Variants in SDR16C5 observed in about 807,000 individuals in gnomAD.
The protein encoded by SDR16C5 is epidermal retinol dehydrogenase 2.
Under a neutral mutation model 27.7 loss-of-function variants are expected in SDR16C5, and 20 were observed. That is an observed-to-expected ratio of 0.72 (90% CI 0.51 to 1.05). The LOEUF (loss-of-function observed/expected upper bound fraction) is 1.05, where lower values mean the gene tolerates loss of function less well. Among genes scored for constraint, SDR16C5 ranks in the 50% least tolerant of loss-of-function variants. The probability of loss-of-function intolerance (pLI) is 0.00; values close to 1 mark genes in which losing one functional copy is unlikely to be tolerated. For missense variants in SDR16C5, 374 were observed against 366.3 expected, an observed-to-expected ratio of 1.02 and a Z score of -0.17; for synonymous variants, 139 against 132.3, an observed-to-expected ratio of 1.05 and a Z score of -0.35.
At chr8:56,315,422 G>A (rs904347272) in intron 2 of SDR16C5, among the ~76,000 whole-genome samples, 4 of 152,124 alleles carry the variant, frequency 2.6e-5, no homozygotes, top group Non-Finnish European at 5.9e-5. Flanking sequence ...GATTCTGATT[G>A]TCTTATGACT....
intron 6 of SDR16C5, among the ~76,000 whole-genome samples, chr8:56,304,245 G>T (rs1814828698): frequency 6.6e-6 from 1 of 152,240 alleles, no homozygotes; most frequent in Non-Finnish European, 1.5e-5. Flanking sequence ...ACTAGGAATT[G>T]TCATTGGCAA....
chr8:56,308,079 T>TA (rs1467689248), intron 4 of SDR16C5, among the ~76,000 whole-genome samples: 1 of 152,102 alleles, frequency 6.6e-6, no homozygotes, highest in East Asian at 1.9e-4. Context: ...AGACTGGTGA[T>TA]ATTTGGGGTG....
chr8:56,303,881 C>T (rs772338063), intron 6 of SDR16C5: 44 of 687,576 alleles, frequency 6.4e-5, no homozygotes, highest in Non-Finnish European at 7.2e-5. Context: ...GTGCATTACA[C>T]GAATCTACAA....
rs763432759 is a variant in SDR16C5 at position 56,316,016 on chromosome 8, T to C, written c.332A>G (p.Gln111Arg). The C allele has an allele frequency of 3.5e-5, 56 of 1,602,178 alleles. No homozygotes were observed. The highest frequency in any genetic ancestry group is 4.7e-5 in the Non-Finnish European group (55 of 1,170,218). ...QKEGVYRVADQVKKEVGDVSI... is the reference protein window; with the variant it reads ...QKEGVYRVADRVKKEVGDVSI... ...TAATAGTAAACACACAAGAGTTACC[T>C]GGTCGGCTACTCTATACACTCCTTC... The change falls in exon 2 of 7, where the codon CAG becomes CGG. Residue 111 changes from glutamine to arginine, a missense_variant and splice_region_variant. Coordinates refer to ENST00000303749, the MANE Select transcript of SDR16C5 (RefSeq NM_138969.4).
At chr8:56,310,750 T>C (rs1267056496) in intron 3 of SDR16C5, among the ~76,000 whole-genome samples, 1 of 149,968 alleles carries the variant, frequency 6.7e-6, no homozygotes, top group Non-Finnish European at 1.5e-5. Flanking sequence ...CACAAAGCCA[T>C]GGGAGTGGAG....
chr8:56,305,844 A>G, intron 5 of SDR16C5, 122 bp from the exon 6 acceptor site: 2 of 978,364 alleles, frequency 2.0e-6, no homozygotes, highest in East Asian at 2.8e-5. Context: ...TTGCTTTTCA[A>G]TTTCATTTAT....
At chr8:56,310,504 G>T (rs1815019399) in intron 3 of SDR16C5, among the ~76,000 whole-genome samples, 1 of 151,846 alleles carries the variant, frequency 6.6e-6, no homozygotes, top group Admixed American at 6.6e-5. Context: ...CGGATCACAA[G>T]GTCAAGAGAT....
rs761318505 is a variant in SDR16C5 at position 56,316,243 on chromosome 8, C to A, written c.105G>T (p.Arg35=). The A allele has an allele frequency of 6.2e-7, 1 of 1,613,818 alleles. No individual in the cohort carries two copies. Among genetic ancestry groups the A allele is most frequent in the African/African-American group, 1.3e-5 (1 of 74,914 alleles). ...GGACTATTTCACCAGCAACGTTCTT[C>A]CGTGGCTTTGGGAGTAAGGCAAAAA... ...AMIFALLPKP[R]KNVAGEIVLI... Residue 35 remains arginine, a synonymous_variant, in exon 2 of 7, where the codon CGG becomes CGT. Coordinates refer to ENST00000303749, the MANE Select transcript of SDR16C5 (RefSeq NM_138969.4).
rs376777147 is a variant in SDR16C5, at chr8:56,316,157, C to A, written c.191G>T (p.Gly64Val). The change falls in exon 2 of 7, where the codon GGA becomes GTA. Residue 64 changes from glycine to valine, a missense_variant. Physicochemically the swap from Gly to Val is moderately radical, Grantham distance 109. Transcript: ENST00000303749. ...RLLALQFARLGSVLVLWDINK... is the reference protein window; with the variant it reads ...RLLALQFARLVSVLVLWDINK... ...GATATCCCAGAGAACAAGAACAGATCCCAGCCGGGCAAACTGCAAGGCTAA... is the reference window on the plus strand; with the variant it reads ...GATATCCCAGAGAACAAGAACAGATACCAGCCGGGCAAACTGCAAGGCTAA... The A allele has an allele frequency of 2.5e-6, 4 of 1,614,134 alleles. No individual in the cohort carries two copies. Among genetic ancestry groups the A allele is most frequent in the African/African-American group, 1.3e-5 (1 of 75,036 alleles).
At chr8:56,319,518 A>G (rs1190030910) in intron 1 of SDR16C5, among the ~76,000 whole-genome samples, 1 of 152,208 alleles carries the variant, frequency 6.6e-6, no homozygotes, top group Non-Finnish European at 1.5e-5. Context: ...GAAGTCTTCT[A>G]GGTGTCCCTA....
At chr8:56,303,279 C>T (rs547524242) in intron 6 of SDR16C5, among the ~76,000 whole-genome samples, 2 of 149,550 alleles carry the variant, frequency 1.3e-5, no homozygotes, top group Admixed American at 6.7e-5. Flanking sequence ...TGCGCCATTG[C>T]ACTCCAGCCC....
At chr8:56,309,566 T>G in intron 3 of SDR16C5, 1 of 985,084 alleles carries the variant, frequency 1.0e-6, no homozygotes, top group South Asian at 4.7e-5. Context: ...GTCCAACACC[T>G]TCACCCTTGA....
intron 1 of SDR16C5, among the ~76,000 whole-genome samples, chr8:56,318,233 G>C (rs1815249674): frequency 6.6e-6 from 1 of 152,328 alleles, no homozygotes; most frequent in South Asian, 2.1e-4. Context: ...TTGCTCTAAG[G>C]AACATGGATG....
chr8:56,308,880 T>TA (rs1420708648), intron 4 of SDR16C5, 48 bp downstream of exon 4: 1 of 1,327,304 alleles, frequency 7.5e-7, no homozygotes, highest in Non-Finnish European at 1.1e-6. Flanking sequence ...TTGTGTAAGT[T>TA]AAAGTTATAG....
chr8:56,306,705 T>A lies in SDR16C5; in HGVS notation c.681A>T (p.Lys227Asn). 2 of 1,613,522 alleles carry A rather than the reference T, an allele frequency of 1.2e-6. No individual in the cohort carries two copies. Among genetic ancestry groups the A allele is most frequent in the Non-Finnish European group, 1.7e-6 (2 of 1,179,836 alleles). Residue 227 changes from lysine to asparagine, a missense_variant, in exon 5 of 7, where the codon AAA becomes AAT. Coordinates refer to ENST00000303749, the MANE Select transcript of SDR16C5 (RefSeq NM_138969.4). Reference sequence around the variant, plus strand: ...TAGTACAACCTTCAAACATTCCAGTTTTTATAAAAAAGGGGCACACAATCG... The same window carrying A: ...TAGTACAACCTTCAAACATTCCAGTATTTATAAAAAAGGGGCACACAATCG... ...KTTIVCPFFI[K>N]TGMFEGCTTG...
chr8:56,303,704 T>G (rs1263287333), intron 6 of SDR16C5, among the ~76,000 whole-genome samples: 1 of 152,212 alleles, frequency 6.6e-6, no homozygotes, highest in African/African-American at 2.4e-5. Flanking sequence ...TCTCAAAACA[T>G]GTCCCATAAC....
chr8:56,314,059 T>C (rs1815121912), intron 2 of SDR16C5, among the ~76,000 whole-genome samples: 2 of 151,944 alleles, frequency 1.3e-5, no homozygotes, highest in Admixed American at 6.6e-5. Flanking sequence ...ATACAAAAAT[T>C]AGCTGGGCGT....
intron 6 of SDR16C5, among the ~76,000 whole-genome samples, chr8:56,303,751 A>C (rs1814816487): frequency 6.6e-6 from 1 of 152,256 alleles, no homozygotes; most frequent in African/African-American, 2.4e-5. Context: ...CTCCACAGTT[A>C]TTCAAAGTAG....
chr8:56,306,592 T>G, intron 5 of SDR16C5, 84 bp downstream of exon 5: 1 of 1,248,990 alleles, frequency 8.0e-7, no homozygotes, highest in South Asian at 1.6e-5. Flanking sequence ...CAATATATTT[T>G]AAACAACTTA....
Sources: gnomAD v4.1 joint callset for allele counts (sites outside exome capture counted in the v4.1 genomes callset) on GRCh38, gnomAD v4.1.1 for gene constraint, MANE v1.5 for transcripts, NCBI Gene and HGNC (gene_info 2026-07-23, HGNC 2026-07-21) for gene names.